Variants in AHDC1 observed in about 807,000 individuals in gnomAD.
AHDC1 encodes transcription factor Gibbin.
AHDC1 carries 7 observed loss-of-function variants against 87.9 expected under a neutral mutation model. The ratio of observed to expected loss-of-function variants is 0.08; its 90% CI spans 0.05 to 0.15. The LOEUF (loss-of-function observed/expected upper bound fraction) is 0.15, where lower values mean the gene tolerates loss of function less well. Ranked by LOEUF, AHDC1 falls within the 10% of genes least tolerant of loss-of-function variation. AHDC1 has a pLI of 1.00. For synonymous variants in AHDC1, 1,051 were observed against 1,006.8 expected (o/e 1.04, Z -0.83); for missense variants, 1,841 against 2,253.2 (o/e 0.82, Z 3.70).
At position 27,558,842 on chromosome 1, in the gene AHDC1, T is replaced by C; in HGVS notation, c.-587A>G. 2.5e-6 allele frequency: 1 copy of C among 398,670 alleles called. No homozygotes were observed. The highest frequency in any genetic ancestry group is 4.4e-6 in the Non-Finnish European group (1 of 226,114). The allele number at this position is 398,670 out of a possible 1,614,324, so 24.7% of individuals were successfully genotyped here. A position where few individuals can be genotyped will look rare whatever the true frequency, so the allele number is the denominator to read the frequency against. ...TGCACACGCTCAACTGGGTGGGCTC[T>C]GGGGTCCAGGCCGATGGGTTGACAA... On this transcript the variant is annotated 5_prime_UTR_variant, in exon 4 of 9. Coordinates refer to ENST00000673934, the MANE Select transcript of AHDC1 (RefSeq NM_001371928.1). The surrounding 1 kb of genome is among the most constrained non-coding windows in gnomAD (Gnocchi z 5.6).
intron 3 of AHDC1, among the ~76,000 whole-genome samples, chr1:27,596,863 A>T (rs539509243): frequency 2.7e-4 from 41 of 152,010 alleles, no homozygotes; most frequent in African/African-American, 9.9e-4. Flanking sequence ...ACACACACCC[A>T]CACACTCCAC....
rs1202736224 is a variant in AHDC1, at chr1:27,562,989, A to G, written c.-628-4106T>C. On this transcript the variant is annotated intron_variant, in intron 3 of 8. Transcript: ENST00000673934. This position sits in a 1 kb window ranked among gnomAD's most constrained non-coding sequence, Gnocchi z 4.4. ...CTTCCTCCAAACATGAGATGGGCACACCTGACACACCCTCGACAGCATGGG... is the reference window on the plus strand; with the variant it reads ...CTTCCTCCAAACATGAGATGGGCACGCCTGACACACCCTCGACAGCATGGG... Among the ~76,000 whole-genome samples, 2 of 152,076 alleles carry G rather than the reference A, an allele frequency of 1.3e-5. No individual in the cohort carries two copies. Among genetic ancestry groups the G allele is most frequent in the Admixed American group, 1.3e-4 (2 of 15,256 alleles).
chr1:27,535,649 T>C (rs934721574), intron 8 of AHDC1, among the ~76,000 whole-genome samples: 7 of 152,236 alleles, frequency 4.6e-5, no homozygotes, highest in Admixed American at 4.6e-4. Flanking sequence ...GAAGTCTTTC[T>C]CAGTGAAAGA....
intron 3 of AHDC1, among the ~76,000 whole-genome samples, chr1:27,586,527 A>G (rs1218466036): frequency 6.6e-6 from 1 of 152,230 alleles, no homozygotes; most frequent in Non-Finnish European, 1.5e-5. Flanking sequence ...GATTAAATAC[A>G]GCAAAATTAA....
In AHDC1 at chr1:27,552,170, C is replaced by T. The variant is rs1051183974; in HGVS notation, c.-55G>A. On this transcript the variant is annotated 5_prime_UTR_variant, in exon 8 of 9. Transcript: ENST00000673934. ...CGGGGCCGGGGCTGACATGAGGGTG[C>T]GAGAAGCCGGGACCAGGACCTGCCA... 1.1e-5 allele frequency: 15 copies of T among 1,424,648 alleles called. No individual in the cohort carries two copies. The highest frequency in any genetic ancestry group is 1.6e-5 in the South Asian group (1 of 64,400). 88.3% of individuals were successfully genotyped at this position (1,424,648 alleles called of 1,614,324 possible).
chr1:27,561,809 AAGAC>A lies in AHDC1; in HGVS notation c.-628-2930_-628-2927del, dbSNP rs932094884. On this transcript the variant is annotated intron_variant, in intron 3 of 8. Coordinates refer to ENST00000673934, the MANE Select transcript of AHDC1 (RefSeq NM_001371928.1). This position sits in a 1 kb window ranked among gnomAD's most constrained non-coding sequence, Gnocchi z 4.2. ...AGAAACAGAGACAGAGAGACAGAGA[AAGAC>A]AGAAACTGGAAGACGGGCACGCACA... 6.6e-6 allele frequency among the ~76,000 whole-genome samples: 1 copy of A among 152,000 alleles called. No individual in the cohort carries two copies. The highest frequency in any genetic ancestry group is 1.9e-4 in the East Asian group (1 of 5,192).
At chr1:27,603,143 A>ACCC (rs1156376060) in intron 3 of AHDC1, among the ~76,000 whole-genome samples, 1 of 110,424 alleles carries the variant, frequency 9.1e-6, no homozygotes, top group Non-Finnish European at 2.0e-5. Flanking sequence ...AAACCCGAGA[A>ACCC]CCCCCCCTCC....
chr1:27,538,603 C>A (rs1407076359), intron 8 of AHDC1, among the ~76,000 whole-genome samples: 1 of 151,686 alleles, frequency 6.6e-6, no homozygotes, highest in Non-Finnish European at 1.5e-5. Context: ...CAACCTCCAC[C>A]TTCCAGGCCC....
At position 27,562,042 on chromosome 1, in the gene AHDC1, G is replaced by A. The variant is rs536476902; in HGVS notation, c.-628-3159C>T. Among the ~76,000 whole-genome samples the A allele has an allele frequency of 6.6e-6, 1 of 152,204 alleles. No homozygotes were observed. The highest frequency in any genetic ancestry group is 1.9e-4 in the East Asian group (1 of 5,172). On this transcript the variant is annotated intron_variant, in intron 3 of 8. Coordinates refer to ENST00000673934, the MANE Select transcript of AHDC1 (RefSeq NM_001371928.1). The surrounding 1 kb of genome is among the most constrained non-coding windows in gnomAD (Gnocchi z 4.4). ...GGGGGAAGCGAGCCAGGCAGAGATG[G>A]GAAAGGCAGGAGAGAGCAGGGACCA... is the stretch of plus-strand genomic sequence containing the variant.
rs549934586 is a variant in AHDC1, at chr1:27,593,673, C to T, written c.-629+9724G>A. Among the ~76,000 whole-genome samples the T allele has an allele frequency of 5.3e-5, 8 of 152,346 alleles. No individual in the cohort carries two copies. Among genetic ancestry groups the T allele is most frequent in the South Asian group, 2.1e-4 (1 of 4,832 alleles). ...CTGCCCATGGGCTTTGCTGCCAGAACCTGGCTGCCCCACCTCTGCTCTGAA... is the reference window on the plus strand; with the variant it reads ...CTGCCCATGGGCTTTGCTGCCAGAATCTGGCTGCCCCACCTCTGCTCTGAA... On this transcript the variant is annotated intron_variant, in intron 3 of 8. Transcript: ENST00000673934. The surrounding 1 kb of genome is among the most constrained non-coding windows in gnomAD (Gnocchi z 4.9).
At chr1:27,574,563 A>G (rs1053528357) in intron 3 of AHDC1, among the ~76,000 whole-genome samples, 1 of 152,158 alleles carries the variant, frequency 6.6e-6, no homozygotes, top group Non-Finnish European at 1.5e-5. Flanking sequence ...GCATAGGTGA[A>G]GCGTGCCTAT....
chr1:27,569,947 C>T (rs139446108), intron 3 of AHDC1, among the ~76,000 whole-genome samples: 1,767 of 152,184 alleles, frequency 0.012, 36 homozygotes, highest in African/African-American at 0.037. Context: ...GGAGAAGGAT[C>T]GGGTTACTCT....
intron 3 of AHDC1, among the ~76,000 whole-genome samples, chr1:27,574,042 C>T (rs2088627163): frequency 6.6e-6 from 1 of 152,168 alleles, no homozygotes. Context: ...ACATCCTGGG[C>T]TAAGGAGGAA....
intron 3 of AHDC1, among the ~76,000 whole-genome samples, chr1:27,602,389 T>TGG (rs745644641): frequency 6.6e-6 from 1 of 152,128 alleles, no homozygotes; most frequent in Non-Finnish European, 1.5e-5. Context: ...GGCAGGAGGC[T>TGG]GGGGGGTCAG....
chr1:27,548,478 G>C lies in AHDC1; in HGVS notation c.3638C>G (p.Ser1213Cys). ...KLMMDWNEAS[S>C]APGYNWNQSV... The stretch of plus-strand genomic sequence containing the variant: ...CTGGTTCCAGTTGTAGCCGGGGGCA[G>C]ATGATGCCTCGTTCCAGTCCATCAT... The change falls in exon 8 of 9, where the codon TCT (serine) becomes TGT (cysteine). Residue 1213 changes from serine (S) to cysteine (C), a missense_variant. By Grantham distance (112) the Ser-to-Cys change is moderately radical (BLOSUM62 -1). Transcript: ENST00000673934. 6.2e-7 allele frequency: 1 copy of C among 1,613,914 alleles called. No homozygotes were observed. The highest frequency in any genetic ancestry group is 1.1e-5 in the South Asian group (1 of 91,086).
chr1:27,586,566 G>A lies in AHDC1; in HGVS notation c.-629+16831C>T, dbSNP rs1254043733. ...AGCACAGGAAATTAATTCTCTCCTA[G>A]CCCTACCTCACAGGTGAGATGCTTA... On this transcript the variant is annotated intron_variant, in intron 3 of 8. Transcript: ENST00000673934. Among the ~76,000 whole-genome samples, 3 of 152,312 alleles carry A rather than the reference G, an allele frequency of 2.0e-5. No individual in the cohort carries two copies. The South Asian group carries it at 6.2e-4, about 32-fold the overall frequency.
intron 8 of AHDC1, among the ~76,000 whole-genome samples, chr1:27,540,094 T>C (rs2018838561): frequency 6.6e-6 from 1 of 152,154 alleles, no homozygotes; most frequent in East Asian, 1.9e-4. Flanking sequence ...GCAAGAACCA[T>C]GGAACCAGGC....
Position 27,561,342 on chromosome 1 carries a change from T to G in AHDC1, c.-628-2459A>C, listed in dbSNP as rs111269208. Among the ~76,000 whole-genome samples the G allele has an allele frequency of 0.12, 18,429 of 151,816 alleles. 1,664 individuals are homozygous for G. The highest frequency in any genetic ancestry group is 0.25 in the African/African-American group (10,420 of 41,306). Reference sequence around the variant, plus strand: ...TGCATGGGGTCTGCCTGGCCCTGAGTGTTGGGGGGGAACTTCAGGAGCAAA... The same window carrying G: ...TGCATGGGGTCTGCCTGGCCCTGAGGGTTGGGGGGGAACTTCAGGAGCAAA... On this transcript the variant is annotated intron_variant, in intron 3 of 8. Transcript: ENST00000673934. The surrounding 1 kb of genome is among the most constrained non-coding windows in gnomAD (Gnocchi z 4.2).
intron 3 of AHDC1, among the ~76,000 whole-genome samples, chr1:27,569,507 C>T (rs950961725): frequency 3.3e-5 from 5 of 152,166 alleles, no homozygotes; most frequent in Non-Finnish European, 5.9e-5. Context: ...GACAGCAAAG[C>T]CATCTATCTC....
Sources: gnomAD v4.1 joint callset for allele counts (sites outside exome capture counted in the v4.1 genomes callset) on GRCh38, gnomAD v4.1.1 for gene constraint, Gnocchi (gnomAD v3.1) non-coding constraint, MANE v1.5 for transcripts, NCBI Gene and HGNC (gene_info 2026-07-23, HGNC 2026-07-21) for gene names.